The following ACVR1 variants were observed in gnomAD, a reference collection of about 807,000 sequenced individuals.
ACVR1 encodes activin receptor type-1.
ACVR1 carries 38 observed loss-of-function variants against 57.1 expected under a neutral mutation model. That is an observed-to-expected ratio of 0.67 (90% CI 0.51 to 0.87). The LOEUF (loss-of-function observed/expected upper bound fraction) is 0.87, where lower values mean the gene tolerates loss of function less well. Ranked by LOEUF, ACVR1 falls within the 40% of genes least tolerant of loss-of-function variation. ACVR1 has a pLI of 0.00. For missense variants in ACVR1, 463 were observed against 638.2 expected (o/e 0.73, Z 2.96); for synonymous variants, 212 against 228.1 (o/e 0.93, Z 0.63).
At position 157,765,355 on chromosome 2, in the gene ACVR1, TATTGTGCACC is replaced by T. The variant is rs1174741720; in HGVS notation, c.1066+556_1066+565del. Among the ~76,000 whole-genome samples the T allele has an allele frequency of 3.3e-5, 5 of 152,334 alleles. No individual in the cohort carries two copies. The East Asian group carries it at 7.7e-4, about 23-fold the overall frequency. On this transcript the variant is annotated intron_variant, in intron 8 of 10. Coordinates refer to ENST00000434821, the MANE Select transcript of ACVR1 (RefSeq NM_001111067.4). ...AGATAAACTAATTCTATAGAGTATT[TATTGTGCACC>T]TACTTTATGTGAAGGTTAGTGAAAC...
intron 3 of ACVR1, among the ~76,000 whole-genome samples, chr2:157,783,781 CACTGTTCA>C (rs1414345834): frequency 6.6e-6 from 1 of 152,180 alleles, no homozygotes; most frequent in East Asian, 1.9e-4. Context: ...GTTCCTCATC[CACTGTTCA>C]ATCTTCTTAC....
chr2:157,851,887 A>C (rs1689316503), intron 1 of ACVR1, among the ~76,000 whole-genome samples: 7 of 3,534 alleles, frequency 2.0e-3, no homozygotes, highest in Non-Finnish European at 2.4e-3. Context: ...ACACACACAC[A>C]CACACACACA....
In ACVR1 at chr2:157,876,169, T is replaced by G. The variant is rs1690288964; in HGVS notation, c.-556A>C. On this transcript the variant is annotated 5_prime_UTR_variant, in exon 1 of 11. Coordinates refer to ENST00000434821, the MANE Select transcript of ACVR1 (RefSeq NM_001111067.4). ...GGGAGGAGGGCGGGCAGAATAAACT[T>G]CCCGAGGCGCAGAGGCTCGGGCTGG... Among the ~76,000 whole-genome samples the G allele has an allele frequency of 7.5e-6, 1 of 132,934 alleles. No individual in the cohort carries two copies. The highest frequency in any genetic ancestry group is 1.6e-5 in the Non-Finnish European group (1 of 62,382). The allele number at this position is 132,934 out of a possible 152,430, so 87.2% of individuals were successfully genotyped here.
intron 9 of ACVR1, among the ~76,000 whole-genome samples, chr2:157,742,857 C>A (rs111757855): frequency 6.6e-6 from 1 of 152,168 alleles, no homozygotes; most frequent in Non-Finnish European, 1.5e-5. Flanking sequence ...CATGTGGGAC[C>A]CGCAGGTCTC....
chr2:157,745,655 T>C (rs1341042309), intron 9 of ACVR1, among the ~76,000 whole-genome samples: 2 of 152,162 alleles, frequency 1.3e-5, no homozygotes, highest in Non-Finnish European at 2.9e-5. Context: ...CCAGTCATTG[T>C]CCTAAATGTT....
intron 7 of ACVR1, among the ~76,000 whole-genome samples, 158 bp downstream of exon 7, chr2:157,770,210 G>A (rs1686020706): frequency 6.6e-6 from 1 of 152,138 alleles, no homozygotes; most frequent in Non-Finnish European, 1.5e-5. Flanking sequence ...ATAAGAAACT[G>A]GTGTTTGAGA....
chr2:157,824,288 C>T (rs1049962020), intron 1 of ACVR1, among the ~76,000 whole-genome samples: 5 of 151,882 alleles, frequency 3.3e-5, no homozygotes, highest in Admixed American at 2.0e-4. Flanking sequence ...GGGAATATGG[C>T]GAGACCCCAT....
At chr2:157,744,012 T>G (rs1292661723) in intron 9 of ACVR1, among the ~76,000 whole-genome samples, 2 of 152,202 alleles carry the variant, frequency 1.3e-5, no homozygotes, top group Non-Finnish European at 2.9e-5. Flanking sequence ...AATGGCAAAG[T>G]TAAACTAGAA....
At position 157,799,450 on chromosome 2, in the gene ACVR1, G is replaced by C. The variant is rs13406336; in HGVS notation, c.44C>G (p.Ala15Gly). ...ACCTTCCATACTAGGGGAGGGGAGA[G>C]CAATCATGATAAGCACAGGAAGAAT... Reference protein sequence around the residue: ...VMILPVLIMIALPSPSMEDEK... With the variant: ...VMILPVLIMIGLPSPSMEDEK... The change falls in exon 3 of 11, where the codon GCT becomes GGT. Residue 15 changes from alanine to glycine, a missense_variant. By Grantham distance (60) the Ala-to-Gly change is moderately conservative (BLOSUM62 0). Transcript: ENST00000434821. The C allele has an allele frequency of 8.6e-3, 13,823 of 1,611,556 alleles. 177 individuals are homozygous for C. The highest frequency in any genetic ancestry group is 0.04 in the South Asian group (3,639 of 90,968).
intron 6 of ACVR1, among the ~76,000 whole-genome samples, chr2:157,773,566 T>C (rs1686152094): frequency 1.3e-5 from 2 of 152,220 alleles, no homozygotes; most frequent in Admixed American, 1.3e-4. Context: ...CATACAAATA[T>C]GTTCATGTAT....
chr2:157,793,620 T>G (rs1468440590), intron 3 of ACVR1, among the ~76,000 whole-genome samples: 1 of 152,172 alleles, frequency 6.6e-6, no homozygotes, highest in Non-Finnish European at 1.5e-5. Flanking sequence ...ACATCTTCCG[T>G]TTGATGATAT....
chr2:157,748,745 A>G lies in ACVR1; in HGVS notation c.1265-10175T>C, dbSNP rs556023343. 2.0e-5 allele frequency among the ~76,000 whole-genome samples: 3 copies of G among 152,302 alleles called. No individual in the cohort carries two copies. The East Asian group carries it at 5.8e-4, about 29-fold the overall frequency. ...TTGTTCAAAGCAGATCCACTCTGCTATTAGGAAAAAAAACCACCTAAAGGC... is the reference window on the plus strand; with the variant it reads ...TTGTTCAAAGCAGATCCACTCTGCTGTTAGGAAAAAAAACCACCTAAAGGC... On this transcript the variant is annotated intron_variant, in intron 9 of 10. Coordinates refer to ENST00000434821, the MANE Select transcript of ACVR1 (RefSeq NM_001111067.4).
Position 157,844,414 on chromosome 2 carries a change from C to T in ACVR1, c.-182-25855G>A, listed in dbSNP as rs1031321581. ...CTCAGCTTGGCTACTCCACCATCAG[C>T]TCTGCTGCCTACTCACTTAAGGTTC... is the stretch of plus-strand genomic sequence containing the variant. On this transcript the variant is annotated intron_variant, in intron 1 of 10. Transcript: ENST00000434821. Among the ~76,000 whole-genome samples, 38 of 152,222 alleles carry T rather than the reference C, an allele frequency of 2.5e-4. 2 individuals carry two copies. The Middle Eastern group carries it at 0.01, about 41-fold the overall frequency.
intron 1 of ACVR1, among the ~76,000 whole-genome samples, chr2:157,833,978 C>T (rs963770502): frequency 2.0e-5 from 3 of 152,208 alleles, no homozygotes; most frequent in African/African-American, 7.2e-5. Context: ...TCTCTTAGAA[C>T]TTCTAACCAA....
intron 1 of ACVR1, among the ~76,000 whole-genome samples, chr2:157,832,728 T>C (rs1349931822): frequency 3.9e-5 from 6 of 152,232 alleles, no homozygotes; most frequent in African/African-American, 1.2e-4. Flanking sequence ...GAATTCATTT[T>C]TTATAGATTA....
intron 1 of ACVR1, among the ~76,000 whole-genome samples, chr2:157,830,341 G>C (rs538073051): frequency 6.6e-6 from 1 of 152,056 alleles, no homozygotes; most frequent in Non-Finnish European, 1.5e-5. Context: ...AAATGAAAAA[G>C]AAATAATAAT....
rs750366890 is a variant in ACVR1 at position 157,786,947 on chromosome 2, G to A, written c.68-6347C>T. On this transcript the variant is annotated intron_variant, in intron 3 of 10. Transcript: ENST00000434821. ...CACCTTCAATAGGGAGTGGGGAAGA[G>A]AGAATTACATCATCTTCCCCTTCTT... 3.3e-5 allele frequency among the ~76,000 whole-genome samples: 5 copies of A among 151,960 alleles called. No homozygotes were observed. In the South Asian group the frequency reaches 1.0e-3, roughly 32 times the overall value.
At chr2:157,842,532 A>G (rs138672455) in intron 1 of ACVR1, among the ~76,000 whole-genome samples, 33 of 152,310 alleles carry the variant, frequency 2.2e-4, no homozygotes, top group Admixed American at 4.6e-4. Context: ...AAGTTCTTTC[A>G]TGCATCCAGC....
At chr2:157,825,498 A>T (rs2105337025) in intron 1 of ACVR1, among the ~76,000 whole-genome samples, 1 of 152,176 alleles carries the variant, frequency 6.6e-6, no homozygotes, top group Non-Finnish European at 1.5e-5. Flanking sequence ...CTGGCAAGTG[A>T]GCATTAGGCC....
Sources: gnomAD v4.1 joint callset for allele counts (sites outside exome capture counted in the v4.1 genomes callset) on GRCh38, gnomAD v4.1.1 for gene constraint, MANE v1.5 for transcripts, NCBI Gene and HGNC (gene_info 2026-07-23, HGNC 2026-07-21) for gene names.